Variants in ARID1B observed in about 807,000 individuals in gnomAD.
ARID1B encodes AT-rich interaction domain 1B.
Under a neutral mutation model 212.3 loss-of-function variants are expected in ARID1B, and 30 were observed. That is an observed-to-expected ratio of 0.14 (90% CI 0.11 to 0.19). The LOEUF (loss-of-function observed/expected upper bound fraction) is 0.19. Ranked by LOEUF, ARID1B falls within the 10% of genes least tolerant of loss-of-function variation. ARID1B has a pLI of 1.00. For missense variants in ARID1B, 2,891 were observed against 3,204.0 expected, an observed-to-expected ratio of 0.90 and a Z score of 2.36; for synonymous variants, 1,402 against 1,301.7, an observed-to-expected ratio of 1.08 and a Z score of -1.66.
At chr6:156,785,259 C>G (rs985630659) in intron 1 of ARID1B, among the ~76,000 whole-genome samples, 1 of 152,210 alleles carries the variant, frequency 6.6e-6, no homozygotes, top group African/African-American at 2.4e-5. Flanking sequence ...TGAATAGCTA[C>G]TCTTATTTCC....
chr6:157,025,975 C>T (rs911341634), intron 4 of ARID1B, among the ~76,000 whole-genome samples: 2 of 151,258 alleles, frequency 1.3e-5, no homozygotes, highest in Admixed American at 1.3e-4. Flanking sequence ...CCCAGGTTGG[C>T]GTGCAGTGGC....
At chr6:157,081,869 G>A (rs1260213130) in intron 4 of ARID1B, among the ~76,000 whole-genome samples, 1 of 152,070 alleles carries the variant, frequency 6.6e-6, no homozygotes, top group Non-Finnish European at 1.5e-5. Context: ...AATCTGATTT[G>A]TCCTTTCTAC....
chr6:157,053,737 CT>C (rs1782753297), intron 4 of ARID1B, among the ~76,000 whole-genome samples: 2 of 152,076 alleles, frequency 1.3e-5, no homozygotes. Context: ...TCAAGCCTTT[CT>C]ATAAGTTTGA....
intron 1 of ARID1B, among the ~76,000 whole-genome samples, chr6:156,784,511 G>A (rs1562383096): frequency 6.6e-6 from 1 of 152,104 alleles, no homozygotes; most frequent in Non-Finnish European, 1.5e-5. Flanking sequence ...ATTTGGTAAA[G>A]ATAAAATGAC....
At chr6:157,199,241 T>A (rs1046862106) in intron 17 of ARID1B, among the ~76,000 whole-genome samples, 41 of 152,200 alleles carry the variant, frequency 2.7e-4, no homozygotes, top group Non-Finnish European at 1.0e-4. Context: ...CAGAAGCCAT[T>A]TTAGAACAGA....
At chr6:157,021,764 G>A (rs923514228) in intron 4 of ARID1B, among the ~76,000 whole-genome samples, 1 of 152,128 alleles carries the variant, frequency 6.6e-6, no homozygotes, top group South Asian at 2.1e-4. Flanking sequence ...GCGGGAGGCG[G>A]CGGCCGCTCG....
intron 15 of ARID1B, 82 bp from the exon 16 acceptor site, chr6:157,196,083 A>G (rs2128355074): frequency 6.5e-7 from 1 of 1,540,570 alleles, no homozygotes; most frequent in Non-Finnish European, 8.8e-7. Context: ...GTCCAAAGAC[A>G]ATAGAGATGA....
At chr6:157,037,324 G>C (rs184076062) in intron 4 of ARID1B, among the ~76,000 whole-genome samples, 12 of 152,130 alleles carry the variant, frequency 7.9e-5, no homozygotes, top group Admixed American at 7.9e-4. Context: ...GCTCCTTCCC[G>C]TGAGGACCTC....
chr6:156,893,045 C>CTTTTTTTTTTTTT lies in ARID1B; in HGVS notation c.1987-8328_1987-8316dup, dbSNP rs567719662. ...AACTCTTTTTTTTTCTTTTTTCTTC[C>CTTTTTTTTTTTTT]TTTTTTTTTTTTTTTGAGATGGAGT... is the stretch of plus-strand genomic sequence containing the variant. On this transcript the variant is annotated intron_variant, in intron 2 of 19. Transcript: ENST00000636930. 6.5e-4 allele frequency among the ~76,000 whole-genome samples: 56 copies of CTTTTTTTTTTTTT among 85,912 alleles called. 5 individuals carry two copies. The highest frequency in any genetic ancestry group is 2.5e-3 in the African/African-American group (54 of 21,316). 56.4% of individuals were successfully genotyped at this position (85,912 alleles called of 152,430 possible).
At chr6:157,199,021 G>A in intron 17 of ARID1B, 114 bp downstream of exon 17, 1 of 887,116 alleles carries the variant, frequency 1.1e-6, no homozygotes, top group South Asian at 1.9e-5. Context: ...AATGATTAGT[G>A]TTTGTTGAGC....
intron 8 of ARID1B, among the ~76,000 whole-genome samples, chr6:157,152,960 AT>A (rs1166970431): frequency 1.3e-5 from 2 of 152,234 alleles, no homozygotes; most frequent in Non-Finnish European, 2.9e-5. Context: ...GGACAAATTA[AT>A]GATGAAGGTG....
intron 4 of ARID1B, among the ~76,000 whole-genome samples, chr6:156,957,234 G>C (rs1794036806): frequency 6.6e-6 from 1 of 152,208 alleles, no homozygotes; most frequent in African/African-American, 2.4e-5. Flanking sequence ...AAGTGACAGA[G>C]CCACTGTGTC....
rs186222494 is a variant in ARID1B at position 157,042,000 on chromosome 6, C to T, written c.2248-42662C>T. Among the ~76,000 whole-genome samples the T allele has an allele frequency of 3.3e-5, 5 of 152,314 alleles. No individual in the cohort carries two copies. In the East Asian group the frequency reaches 5.8e-4, roughly 18 times the overall value. On this transcript the variant is annotated intron_variant, in intron 4 of 19. Transcript: ENST00000636930. Reference sequence around the variant, plus strand: ...TCTCTTCCTGTGGCTTCCTCAGCAGCGTTTTGTTGATTCACCTCCTACAGG... The same window carrying T: ...TCTCTTCCTGTGGCTTCCTCAGCAGTGTTTTGTTGATTCACCTCCTACAGG...
intron 8 of ARID1B, chr6:157,151,762 T>C (rs996225115): frequency 9.9e-5 from 15 of 152,246 alleles, no homozygotes; most frequent in African/African-American, 3.6e-4. Flanking sequence ...GCCCCATCTT[T>C]GGTTAAAATC....
At chr6:156,826,526 A>G (rs181317584) in intron 1 of ARID1B, among the ~76,000 whole-genome samples, 10 of 152,314 alleles carry the variant, frequency 6.6e-5, no homozygotes, top group Admixed American at 2.6e-4. Flanking sequence ...GGATTCACCA[A>G]ATCTTTAAAG....
intron 1 of ARID1B, among the ~76,000 whole-genome samples, chr6:156,780,932 A>C (rs1001269881): frequency 6.6e-6 from 1 of 152,340 alleles, no homozygotes; most frequent in East Asian, 1.9e-4. Flanking sequence ...TTCCCTTTAC[A>C]AATTCAACTA....
At chr6:157,025,464 A>C (rs1365037453) in intron 4 of ARID1B, among the ~76,000 whole-genome samples, 1 of 152,228 alleles carries the variant, frequency 6.6e-6, no homozygotes, top group African/African-American at 2.4e-5. Context: ...CTTTATAGTT[A>C]GTCCCTCTCT....
At chr6:157,122,664 A>G (rs577484468) in intron 6 of ARID1B, among the ~76,000 whole-genome samples, 1 of 152,182 alleles carries the variant, frequency 6.6e-6, no homozygotes, top group Non-Finnish European at 1.5e-5. Context: ...GCTCTAACTT[A>G]CAGCTAGAAA....
intron 4 of ARID1B, among the ~76,000 whole-genome samples, chr6:157,055,632 T>C (rs1272125103): frequency 6.6e-6 from 1 of 152,238 alleles, no homozygotes; most frequent in Non-Finnish European, 1.5e-5. Flanking sequence ...ATTAATTTTC[T>C]GTTGCTGAGT....
Sources: allele counts gnomAD v4.1 joint callset (sites outside exome capture counted in the v4.1 genomes callset), GRCh38; gene constraint gnomAD v4.1.1; transcripts MANE v1.5; gene names NCBI Gene and HGNC (gene_info 2026-07-23, HGNC 2026-07-21).